DSTYK: variants seen among roughly 807,000 people sequenced by gnomAD.
DSTYK encodes the protein RIP-homologous kinase.
In DSTYK, 34 loss-of-function variants were observed where a neutral mutation model predicts 98.7. That is an observed-to-expected ratio of 0.34 (90% CI 0.26 to 0.46). DSTYK has a LOEUF of 0.46. Among genes scored for constraint, DSTYK ranks in the 20% least tolerant of loss-of-function variants. The probability of loss-of-function intolerance (pLI) is 1.00; values close to 1 mark genes in which losing one functional copy is unlikely to be tolerated. For synonymous variants in DSTYK, 462 were observed against 457.3 expected (o/e 1.01, Z -0.13); for missense variants, 962 against 1,181.7 (o/e 0.81, Z 2.73).
intron 1 of DSTYK, among the ~76,000 whole-genome samples, chr1:205,192,089 A>T (rs1389650173): frequency 6.6e-6 from 1 of 152,184 alleles, no homozygotes; most frequent in Non-Finnish European, 1.5e-5. Flanking sequence ...TAGATGGAAG[A>T]GAAGAACAAC....
intron 3 of DSTYK, among the ~76,000 whole-genome samples, chr1:205,165,162 C>T (rs1313627028): frequency 1.3e-5 from 2 of 152,120 alleles, no homozygotes; most frequent in African/African-American, 4.8e-5. Context: ...GGCACGATCT[C>T]GGCTCACTGC....
At chr1:205,206,871 G>T (rs977189232) in intron 1 of DSTYK, among the ~76,000 whole-genome samples, 3 of 151,246 alleles carry the variant, frequency 2.0e-5, no homozygotes, top group Admixed American at 6.6e-5. Context: ...CCCGGCCCAG[G>T]TCCTGTTCTA....
At position 205,163,026 on chromosome 1, in the gene DSTYK, A is replaced by C. The variant is rs1657780054; in HGVS notation, c.1558-20T>G. 1.3e-6 allele frequency: 2 copies of C among 1,596,098 alleles called. No individual in the cohort carries two copies. Among genetic ancestry groups the C allele is most frequent in the Admixed American group, 1.7e-5 (1 of 59,978 alleles). On this transcript the variant is annotated intron_variant, in intron 4 of 12. Coordinates refer to ENST00000367162, the MANE Select transcript of DSTYK (RefSeq NM_015375.3). Reference sequence around the variant, plus strand: ...TAAGATCTGAAAGAGACAACGCCAAAGAAAACATGTCCTCAGTAGTGTGGC... The same window carrying C: ...TAAGATCTGAAAGAGACAACGCCAACGAAAACATGTCCTCAGTAGTGTGGC...
intron 3 of DSTYK, among the ~76,000 whole-genome samples, chr1:205,168,475 T>C (rs1284406599): frequency 1.3e-5 from 2 of 152,168 alleles, no homozygotes; most frequent in African/African-American, 4.8e-5. Context: ...TCTTTAGTGG[T>C]CTTGAGCATG....
chr1:205,205,213 C>T (rs554901619), intron 1 of DSTYK, among the ~76,000 whole-genome samples: 3 of 152,082 alleles, frequency 2.0e-5, no homozygotes, highest in Non-Finnish European at 4.4e-5. Context: ...CAAACTACCA[C>T]AGAGTACACC....
At chr1:205,170,738 A>G (rs1483135171) in intron 2 of DSTYK, among the ~76,000 whole-genome samples, 2 of 152,202 alleles carry the variant, frequency 1.3e-5, no homozygotes, top group Non-Finnish European at 2.9e-5. Flanking sequence ...AATGTCCTTT[A>G]CAGATAGGGG....
At chr1:205,196,026 A>C (rs17417002) in intron 1 of DSTYK, among the ~76,000 whole-genome samples, 11,134 of 152,278 alleles carry the variant, frequency 0.073, 693 homozygotes, top group African/African-American at 0.15. Flanking sequence ...ACAGTTTATA[A>C]GCATTACCAA....
At chr1:205,174,824 G>A (rs570567111) in intron 2 of DSTYK, among the ~76,000 whole-genome samples, 24 of 139,648 alleles carry the variant, frequency 1.7e-4, no homozygotes, top group Non-Finnish European at 2.4e-4. Flanking sequence ...TGCAACCTCC[G>A]CCTCCCAGGT....
chr1:205,143,819 G>A lies in DSTYK; in HGVS notation c.*3739C>T, dbSNP rs767681065. ...CAGGTACTAGTCGAGAGTTCTATGA[G>A]TCCCCTATTTCTATCTGTGGTAGTA... On this transcript the variant is annotated 3_prime_UTR_variant, in exon 13 of 13. Transcript: ENST00000367162. The A allele has an allele frequency of 6.6e-6, 1 of 152,530 alleles. No homozygotes were observed. Among genetic ancestry groups the A allele is most frequent in the Non-Finnish European group, 1.5e-5 (1 of 68,038 alleles). The allele number at this position is 152,530 out of a possible 1,614,324, so 9.4% of individuals were successfully genotyped here.
chr1:205,165,237 C>T (rs1382355883), intron 3 of DSTYK, among the ~76,000 whole-genome samples: 1 of 151,986 alleles, frequency 6.6e-6, no homozygotes, highest in Non-Finnish European at 1.5e-5. Context: ...GGATTACAGG[C>T]ACCCACCACC....
chr1:205,165,233 C>T (rs1250472605), intron 3 of DSTYK, among the ~76,000 whole-genome samples: 1 of 152,000 alleles, frequency 6.6e-6, no homozygotes, highest in Non-Finnish European at 1.5e-5. Flanking sequence ...CCTAGGATTA[C>T]AGGCACCCAC....
chr1:205,174,711 A>ATTAG (rs1273555019), intron 2 of DSTYK, among the ~76,000 whole-genome samples: 1 of 149,270 alleles, frequency 6.7e-6, no homozygotes, highest in Non-Finnish European at 1.5e-5. Flanking sequence ...TAATTAATTA[A>ATTAG]AAAAAGGGAT....
intron 3 of DSTYK, among the ~76,000 whole-genome samples, chr1:205,165,308 C>G (rs1044905088): frequency 6.6e-6 from 1 of 152,102 alleles, no homozygotes; most frequent in Admixed American, 6.6e-5. Flanking sequence ...CCAGGCTGGT[C>G]TTGAACTCCT....
chr1:205,198,708 T>A (rs1307684377), intron 1 of DSTYK, among the ~76,000 whole-genome samples: 1 of 152,142 alleles, frequency 6.6e-6, no homozygotes, highest in Non-Finnish European at 1.5e-5. Context: ...TCTGGCAAGT[T>A]TGACTTGATT....
chr1:205,209,852 C>T lies in DSTYK; in HGVS notation c.265+1419G>A, dbSNP rs74393927. Among the ~76,000 whole-genome samples the T allele has an allele frequency of 4.8e-3, 729 of 152,094 alleles. 4 individuals carry two copies. The highest frequency in any genetic ancestry group is 0.017 in the African/African-American group (705 of 41,468). ...ATTCATGGTTCTGAAAGTATTTTAA[C>T]GGACCACCTGCATCACCTTCCCCAG... On this transcript the variant is annotated intron_variant, in intron 1 of 12. Transcript: ENST00000367162.
chr1:205,158,540 A>G (rs1657624789), intron 9 of DSTYK, among the ~76,000 whole-genome samples: 1 of 152,200 alleles, frequency 6.6e-6, no homozygotes, highest in Non-Finnish European at 1.5e-5. Context: ...CTATAACAGA[A>G]TTCGAATTCT....
intron 1 of DSTYK, among the ~76,000 whole-genome samples, chr1:205,195,551 C>G (rs1257462604): frequency 6.6e-6 from 1 of 152,204 alleles, no homozygotes; most frequent in African/African-American, 2.4e-5. Flanking sequence ...GTCTGGCTTT[C>G]AGAATCTTCA....
At chr1:205,153,704 T>TTTTTGTG (rs1160075072) in intron 10 of DSTYK, among the ~76,000 whole-genome samples, 1 of 74,516 alleles carries the variant, frequency 1.3e-5, no homozygotes, top group East Asian at 4.4e-4. Flanking sequence ...AACTTACTTT[T>TTTTTGTG]TGTGTGTGTG....
intron 1 of DSTYK, among the ~76,000 whole-genome samples, chr1:205,210,154 C>A (rs1337274836): frequency 6.6e-6 from 1 of 152,082 alleles, no homozygotes; most frequent in East Asian, 1.9e-4. Flanking sequence ...CGCCCCGCCT[C>A]TGCCTCCCAA....
Sources: gnomAD v4.1 joint callset for allele counts (sites outside exome capture counted in the v4.1 genomes callset) on GRCh38, gnomAD v4.1.1 for gene constraint, MANE v1.5 for transcripts, NCBI Gene and HGNC (gene_info 2026-07-23, HGNC 2026-07-21) for gene names.